Variants in KCNIP4 observed in about 807,000 individuals in gnomAD.
The protein encoded by KCNIP4 is Kv channel-interacting protein 4.
A neutral mutation model predicts 34.0 loss-of-function variants in KCNIP4; 12 were observed. The ratio of observed to expected loss-of-function variants is 0.35; its 90% confidence interval spans 0.23 to 0.57. The LOEUF is 0.57. Among genes scored for constraint, KCNIP4 ranks in the 20% least tolerant of loss-of-function variants. The probability of loss-of-function intolerance (pLI) is 0.83; values close to 1 mark genes in which losing one functional copy is unlikely to be tolerated. For missense variants in KCNIP4, 238 were observed against 311.7 expected (o/e 0.76, Z 1.78); for synonymous variants, 124 against 102.2 (o/e 1.21, Z -1.29).
intron 1 of KCNIP4, among the ~76,000 whole-genome samples, chr4:21,124,706 C>CA (rs767215180): frequency 7.6e-4 from 115 of 152,078 alleles, no homozygotes; most frequent in Non-Finnish European, 1.4e-3. Flanking sequence ...AGACTCCTAG[C>CA]AAAAAAGTCC....
At chr4:20,959,667 C>T (rs924104804) in intron 1 of KCNIP4, among the ~76,000 whole-genome samples, 3 of 152,196 alleles carry the variant, frequency 2.0e-5, no homozygotes. Flanking sequence ...TTTAATTACA[C>T]CACTATCATC....
chr4:21,911,604 TCACACACACACACACACA>T (rs149500330), intron 1 of KCNIP4, among the ~76,000 whole-genome samples: 52 of 129,992 alleles, frequency 4.0e-4, no homozygotes, highest in Middle Eastern at 4.0e-3. Flanking sequence ...GAATTGATAT[TCACACACACACACACACA>T]CACACACACA....
chr4:21,388,540 A>C (rs1479476484), intron 1 of KCNIP4, among the ~76,000 whole-genome samples: 2 of 152,120 alleles, frequency 1.3e-5, no homozygotes, highest in Admixed American at 6.6e-5. Flanking sequence ...TAACCTGTTA[A>C]AGTGAATTAT....
chr4:21,621,474 T>G (rs1744993977), intron 1 of KCNIP4, among the ~76,000 whole-genome samples: 1 of 152,152 alleles, frequency 6.6e-6, no homozygotes, highest in Admixed American at 6.5e-5. Flanking sequence ...CGATGGATCG[T>G]CCTGCCTCAG....
chr4:21,245,006 T>C (rs1760098814), intron 1 of KCNIP4, among the ~76,000 whole-genome samples: 1 of 152,190 alleles, frequency 6.6e-6, no homozygotes, highest in Non-Finnish European at 1.5e-5. Context: ...GGGATACAAA[T>C]AGAGAAACAC....
chr4:21,501,688 T>TTGTGTGTGTGTGTGTGTGTGTGTGTG (rs370071298), intron 1 of KCNIP4, among the ~76,000 whole-genome samples: 3,516 of 127,146 alleles, frequency 0.028, 173 homozygotes, highest in Non-Finnish European at 0.039. Context: ...TGCAGAAGCC[T>TTGTGTGTGTGTGTGTGTGTGTGTGTG]TGTGTGTGTG....
chr4:21,579,280 C>A (rs977755633), intron 1 of KCNIP4, among the ~76,000 whole-genome samples: 1 of 152,050 alleles, frequency 6.6e-6, no homozygotes, highest in Admixed American at 6.5e-5. Context: ...TTGAATAGAA[C>A]ACAAGTACAA....
rs1024008303 is a variant in KCNIP4, at chr4:21,249,510, T to C, written c.62-366801A>G. Among the ~76,000 whole-genome samples the C allele has an allele frequency of 3.3e-5, 5 of 152,114 alleles. No individual in the cohort carries two copies. The East Asian group carries it at 7.7e-4, about 23-fold the overall frequency. ...TATGAATTTTGGCAAGCAATAACCA[T>C]GTCAGGCCTTTTTTTCGTTGATCTT... On this transcript the variant is annotated intron_variant, in intron 1 of 8. Transcript: ENST00000382152.
intron 1 of KCNIP4, among the ~76,000 whole-genome samples, chr4:20,933,360 C>T (rs989133178): frequency 1.3e-5 from 2 of 152,026 alleles, no homozygotes; most frequent in Admixed American, 1.3e-4. Context: ...CTATTTTAGT[C>T]ATGGATGCAT....
chr4:21,389,637 T>C (rs4697217), intron 1 of KCNIP4, among the ~76,000 whole-genome samples: 3,673 of 152,012 alleles, frequency 0.024, 189 homozygotes, highest in East Asian at 0.19. Context: ...GAACTCATCC[T>C]TTTTTATGGC....
intron 3 of KCNIP4, among the ~76,000 whole-genome samples, chr4:20,785,297 T>C (rs1205653140): frequency 6.6e-6 from 1 of 151,606 alleles, no homozygotes; most frequent in Non-Finnish European, 1.5e-5. Context: ...TGCTAGCACT[T>C]CCCTACTTGC....
intron 1 of KCNIP4, among the ~76,000 whole-genome samples, chr4:21,294,809 C>T (rs1313397784): frequency 1.3e-5 from 2 of 152,120 alleles, no homozygotes; most frequent in Non-Finnish European, 2.9e-5. Flanking sequence ...TGTATTAGTA[C>T]ATATACCTGG....
At chr4:20,940,448 G>A (rs1731526165) in intron 1 of KCNIP4, among the ~76,000 whole-genome samples, 1 of 152,148 alleles carries the variant, frequency 6.6e-6, no homozygotes, top group Admixed American at 6.5e-5. Context: ...GACAACTTAG[G>A]AAGTGATCCA....
chr4:21,322,152 AGAAGGAAGGAAGGAAGGAAG>A (rs200900508), intron 1 of KCNIP4, among the ~76,000 whole-genome samples: 5 of 136,820 alleles, frequency 3.7e-5, no homozygotes, highest in African/African-American at 1.4e-4. Flanking sequence ...AGGGAGGGAC[AGAAGGAAGGAAGGAAGGAAG>A]GAAGGAAGGA....
intron 1 of KCNIP4, among the ~76,000 whole-genome samples, chr4:21,587,912 C>A (rs1741773064): frequency 6.6e-6 from 1 of 151,946 alleles, no homozygotes; most frequent in Admixed American, 6.6e-5. Context: ...TATTTGAGCA[C>A]CTCCATGTAT....
At chr4:21,802,313 T>C (rs1052534565) in intron 1 of KCNIP4, among the ~76,000 whole-genome samples, 1 of 152,180 alleles carries the variant, frequency 6.6e-6, no homozygotes, top group Non-Finnish European at 1.5e-5. Flanking sequence ...CATTTACTAA[T>C]CCTGAAAACC....
In KCNIP4 at chr4:20,999,094, C is replaced by T. The variant is rs144535309; in HGVS notation, c.62-116385G>A. On this transcript the variant is annotated intron_variant, in intron 1 of 8. Transcript: ENST00000382152. ...CACTTAACTCACTCTTCATTCTAGA[C>T]AGGTTTTCTGACAAAAAGACATCAT... 6.6e-5 allele frequency among the ~76,000 whole-genome samples: 10 copies of T among 152,272 alleles called. No individual in the cohort carries two copies. In the East Asian group the frequency reaches 1.9e-3, roughly 29 times the overall value.
intron 1 of KCNIP4, among the ~76,000 whole-genome samples, chr4:21,828,806 A>G (rs999532294): frequency 6.6e-6 from 1 of 151,990 alleles, no homozygotes; most frequent in Non-Finnish European, 1.5e-5. Flanking sequence ...TTTCTGACAA[A>G]TGCCCAAGGA....
Position 21,946,804 on chromosome 4 carries a change from C to G in KCNIP4, c.61+1767G>C, listed in dbSNP as rs936232857. Among the ~76,000 whole-genome samples, 33 of 152,164 alleles carry G rather than the reference C, an allele frequency of 2.2e-4. 1 individual carries two copies. The highest frequency in any genetic ancestry group is 2.4e-5 in the African/African-American group (1 of 41,430). On this transcript the variant is annotated intron_variant, in intron 1 of 8. Transcript: ENST00000382152. ...AGCCAAGGTATAAAACAACATATTT[C>G]TGTTCTCTAAATAAACAGTGAACAC...
Sources: gnomAD v4.1 joint callset for allele counts (sites outside exome capture counted in the v4.1 genomes callset) on GRCh38, gnomAD v4.1.1 for gene constraint, MANE v1.5 for transcripts, NCBI Gene and HGNC (gene_info 2026-07-23, HGNC 2026-07-21) for gene names.